Variants in ATRNL1 observed in about 807,000 individuals in gnomAD.
ATRNL1 encodes attractin-like protein 1.
A neutral mutation model predicts 182.7 loss-of-function variants in ATRNL1; 95 were observed. The ratio of observed to expected loss-of-function variants is 0.52; its 90% confidence interval spans 0.44 to 0.62. The LOEUF (loss-of-function observed/expected upper bound fraction) is 0.62, where lower values mean the gene tolerates loss of function less well. Among genes scored for constraint, ATRNL1 ranks in the 20% least tolerant of loss-of-function variants. The probability of loss-of-function intolerance (pLI) is 0.00; values close to 1 mark genes in which losing one functional copy is unlikely to be tolerated. For missense variants in ATRNL1, 1,471 were observed against 1,679.5 expected (o/e 0.88, Z 2.17); for synonymous variants, 576 against 568.3 (o/e 1.01, Z -0.19).
At chr10:115,687,591 A>T (rs557276488) in intron 26 of ATRNL1, among the ~76,000 whole-genome samples, 1 of 152,248 alleles carries the variant, frequency 6.6e-6, no homozygotes, top group South Asian at 2.1e-4. Flanking sequence ...AGGAATACAG[A>T]TACCTCTTTG....
intron 27 of ATRNL1, among the ~76,000 whole-genome samples, chr10:115,805,284 A>G (rs1342134199): frequency 6.6e-6 from 1 of 152,208 alleles, no homozygotes; most frequent in Non-Finnish European, 1.5e-5. Flanking sequence ...CTCACTTGTG[A>G]AAGCAAATTG....
chr10:115,906,421 G>C (rs1952505019), intron 28 of ATRNL1, among the ~76,000 whole-genome samples: 2 of 152,180 alleles, frequency 1.3e-5, no homozygotes. Flanking sequence ...TTTCAGGATT[G>C]AGAAAGTTCA....
chr10:115,822,871 A>G (rs1042601983), intron 27 of ATRNL1, among the ~76,000 whole-genome samples: 1 of 152,188 alleles, frequency 6.6e-6, no homozygotes, highest in East Asian at 1.9e-4. Context: ...AGCTGGTACC[A>G]TTCCTTCTGT....
At chr10:115,484,310 T>G (rs1848915127) in intron 24 of ATRNL1, among the ~76,000 whole-genome samples, 3 of 151,648 alleles carry the variant, frequency 2.0e-5, no homozygotes. Flanking sequence ...ACTTACAGAT[T>G]ATGCTATTTT....
intron 26 of ATRNL1, among the ~76,000 whole-genome samples, chr10:115,718,424 A>T (rs988427053): frequency 9.9e-5 from 15 of 152,156 alleles, no homozygotes; most frequent in Non-Finnish European, 1.9e-4. Flanking sequence ...AGTATTTTTA[A>T]AGTTGTCAAT....
chr10:115,377,173 T>G (rs1857721060), intron 19 of ATRNL1, among the ~76,000 whole-genome samples: 1 of 152,202 alleles, frequency 6.6e-6, no homozygotes, highest in Non-Finnish European at 1.5e-5. Context: ...AATCTCATCT[T>G]AAATTGTAGC....
rs1487826443 is a variant in ATRNL1 at position 115,703,008 on chromosome 10, CTA to C, written c.3796-24237_3796-24236del. Reference sequence around the variant, plus strand: ...AAAAGAACAAACTATAGACTTCAAACTATACTACAAGAGTACAGTAATCAAAA... The same window carrying C: ...AAAAGAACAAACTATAGACTTCAAACTACTACAAGAGTACAGTAATCAAAA... On this transcript the variant is annotated intron_variant, in intron 26 of 28. Coordinates refer to ENST00000355044, the MANE Select transcript of ATRNL1 (RefSeq NM_207303.4). Among the ~76,000 whole-genome samples, 36 of 151,882 alleles carry C rather than the reference CTA, an allele frequency of 2.4e-4. 1 individual carries two copies. The highest frequency in any genetic ancestry group is 2.2e-3 in the Admixed American group (33 of 15,204).
intron 8 of ATRNL1, among the ~76,000 whole-genome samples, chr10:115,179,621 T>A (rs906890409): frequency 6.6e-6 from 1 of 152,148 alleles, no homozygotes; most frequent in Non-Finnish European, 1.5e-5. Flanking sequence ...TACTATTGGC[T>A]TTTTAGAGAT....
chr10:115,623,758 A>G (rs999602894), intron 26 of ATRNL1, among the ~76,000 whole-genome samples: 3 of 152,160 alleles, frequency 2.0e-5, no homozygotes, highest in Admixed American at 6.5e-5. Context: ...GAAGGTATAC[A>G]TAATCAATGA....
chr10:115,109,448 GA>G (rs1285176669), intron 1 of ATRNL1, among the ~76,000 whole-genome samples: 7 of 152,186 alleles, frequency 4.6e-5, no homozygotes, highest in Non-Finnish European at 7.3e-5. Flanking sequence ...GGTGAAGAGA[GA>G]AAGAGAGGAG....
At chr10:115,445,506 CGTGTGTGTGTGTGTGT>C (rs57237450) in intron 21 of ATRNL1, among the ~76,000 whole-genome samples, 137 of 119,272 alleles carry the variant, frequency 1.1e-3, no homozygotes, top group African/African-American at 1.7e-3. Flanking sequence ...CTCATTTGTC[CGTGTGTGTGTGTGTGT>C]GTGTGTGTGT....
chr10:115,795,773 A>C (rs1038366450), intron 27 of ATRNL1, among the ~76,000 whole-genome samples: 2 of 152,140 alleles, frequency 1.3e-5, no homozygotes, highest in African/African-American at 4.8e-5. Flanking sequence ...GATGGTGCGA[A>C]GTGCTAAACC....
At chr10:115,701,052 T>G (rs1555051387) in intron 26 of ATRNL1, among the ~76,000 whole-genome samples, 1 of 152,070 alleles carries the variant, frequency 6.6e-6, no homozygotes, top group Admixed American at 6.6e-5. Context: ...ACCCCATGCT[T>G]GGTCATAAAA....
intron 28 of ATRNL1, among the ~76,000 whole-genome samples, chr10:115,934,788 C>T (rs1045523329): frequency 6.6e-6 from 1 of 152,182 alleles, no homozygotes; most frequent in African/African-American, 2.4e-5. Flanking sequence ...TTCTGCCTTG[C>T]AGATTAAAAA....
chr10:115,601,767 CTTA>C (rs1396566124), intron 26 of ATRNL1, among the ~76,000 whole-genome samples: 4 of 152,024 alleles, frequency 2.6e-5, no homozygotes, highest in African/African-American at 9.7e-5. Flanking sequence ...AAAGTAGTTT[CTTA>C]TAGACAGCAT....
chr10:115,098,069 C>A (rs891396470), intron 1 of ATRNL1, among the ~76,000 whole-genome samples: 4 of 152,172 alleles, frequency 2.6e-5, no homozygotes, highest in Admixed American at 6.5e-5. Flanking sequence ...GTCCCTAAGA[C>A]TTCTTTATTT....
chr10:115,130,997 A>G (rs564455196), intron 5 of ATRNL1, among the ~76,000 whole-genome samples: 4 of 152,138 alleles, frequency 2.6e-5, no homozygotes, highest in African/African-American at 9.6e-5. Context: ...TATTTTGTGT[A>G]AGTCTTGTAA....
intron 8 of ATRNL1, among the ~76,000 whole-genome samples, chr10:115,178,071 A>AC (rs1483693253): frequency 1.3e-4 from 19 of 150,770 alleles, no homozygotes; most frequent in African/African-American, 4.6e-4. Context: ...GGCATGCACC[A>AC]CCACACCCAG....
intron 13 of ATRNL1, among the ~76,000 whole-genome samples, chr10:115,280,034 A>T (rs1389553133): frequency 6.6e-6 from 1 of 152,194 alleles, no homozygotes. Context: ...GATCTTGACA[A>T]TTAAAGGGAT....
Sources: gnomAD v4.1 joint callset for allele counts (sites outside exome capture counted in the v4.1 genomes callset) on GRCh38, gnomAD v4.1.1 for gene constraint, MANE v1.5 for transcripts, NCBI Gene and HGNC (gene_info 2026-07-23, HGNC 2026-07-21) for gene names.